GMDS: variants seen among roughly 807,000 people sequenced by gnomAD.
GMDS encodes the protein GDP-mannose 4,6 dehydratase.
Under a neutral mutation model 49.9 loss-of-function variants are expected in GMDS, and 20 were observed. The observed-to-expected ratio is 0.40, with a 90% CI of 0.28 to 0.58. The LOEUF (loss-of-function observed/expected upper bound fraction) is 0.58. Among genes scored for constraint, GMDS ranks in the 20% least tolerant of loss-of-function variants. The pLI is 0.42. For synonymous variants in GMDS, 177 were observed against 178.6 expected, an observed-to-expected ratio of 0.99 and a Z score of 0.07; for missense variants, 362 against 481.4, an observed-to-expected ratio of 0.75 and a Z score of 2.32.
intron 4 of GMDS, among the ~76,000 whole-genome samples, chr6:2,053,988 A>T (rs1376758500): frequency 6.6e-6 from 1 of 152,122 alleles, no homozygotes; most frequent in Non-Finnish European, 1.5e-5. Context: ...AAGCATTCTA[A>T]TTCCTATAAA....
At chr6:1,782,430 G>A (rs766957542) in intron 7 of GMDS, among the ~76,000 whole-genome samples, 3 of 152,198 alleles carry the variant, frequency 2.0e-5, no homozygotes, top group Non-Finnish European at 4.4e-5. Flanking sequence ...GAGGCCACAA[G>A]AAGCTTCAAA....
At position 1,666,930 on chromosome 6, in the gene GMDS, C is replaced by A. The variant is rs543012111; in HGVS notation, c.988-42390G>T. Among the ~76,000 whole-genome samples the A allele has an allele frequency of 9.6e-4, 147 of 152,358 alleles. No homozygotes were observed. In the South Asian group the frequency reaches 0.011, roughly 12 times the overall value. On this transcript the variant is annotated intron_variant, in intron 9 of 10. Coordinates refer to ENST00000380815, the MANE Select transcript of GMDS (RefSeq NM_001500.4). ...TCAACTCTCCCATTAATGGAGCACC[C>A]TCTGGGGGAAGGGCACTGTGTTTTC...
At chr6:2,232,462 C>G (rs1273853169) in intron 1 of GMDS, among the ~76,000 whole-genome samples, 1 of 152,204 alleles carries the variant, frequency 6.6e-6, no homozygotes, top group Non-Finnish European at 1.5e-5. Flanking sequence ...ATCAAAATCA[C>G]AACCTCACTG....
intron 7 of GMDS, among the ~76,000 whole-genome samples, chr6:1,882,027 T>C (rs930452013): frequency 6.6e-6 from 1 of 152,236 alleles, no homozygotes; most frequent in African/African-American, 2.4e-5. Flanking sequence ...TAAGTGATTA[T>C]TTTTAAATAC....
chr6:2,195,073 T>C (rs1779221271), intron 1 of GMDS, among the ~76,000 whole-genome samples: 1 of 152,236 alleles, frequency 6.6e-6, no homozygotes, highest in Non-Finnish European at 1.5e-5. Context: ...TATACACACA[T>C]GAAGTTAGCA....
chr6:1,889,474 C>T (rs985720866), intron 7 of GMDS, among the ~76,000 whole-genome samples: 1 of 152,186 alleles, frequency 6.6e-6, no homozygotes, highest in Admixed American at 6.5e-5. Context: ...CCACATTCTC[C>T]CTGGACAGTT....
intron 4 of GMDS, among the ~76,000 whole-genome samples, chr6:2,070,381 C>T (rs1474073866): frequency 6.6e-6 from 1 of 151,362 alleles, no homozygotes; most frequent in Non-Finnish European, 1.5e-5. Context: ...AACTAACCTG[C>T]ACATTGTGCA....
Position 1,833,218 on chromosome 6 carries a change from G to A in GMDS, c.772-90632C>T, listed in dbSNP as rs1035322019. Among the ~76,000 whole-genome samples the A allele has an allele frequency of 6.6e-6, 1 of 151,166 alleles. No homozygotes were observed. Among genetic ancestry groups the A allele is most frequent in the African/African-American group, 2.4e-5 (1 of 41,012 alleles). ...AGGCACATTAATCAGCAGGGGAATT[G>A]GCCAAATGTCGTCTCCCGCTGGGCT... On this transcript the variant is annotated intron_variant, in intron 7 of 10. Coordinates refer to ENST00000380815, the MANE Select transcript of GMDS (RefSeq NM_001500.4). This position sits in a 1 kb window ranked among gnomAD's most constrained non-coding sequence, Gnocchi z 4.4.
intron 4 of GMDS, among the ~76,000 whole-genome samples, chr6:2,107,358 G>A (rs1328778520): frequency 3.3e-5 from 5 of 152,124 alleles, no homozygotes; most frequent in African/African-American, 1.2e-4. Flanking sequence ...ATCTGAGCCA[G>A]ATGACACACA....
intron 7 of GMDS, among the ~76,000 whole-genome samples, chr6:1,757,506 T>C (rs1357506152): frequency 6.6e-6 from 1 of 152,212 alleles, no homozygotes; most frequent in Non-Finnish European, 1.5e-5. Context: ...TTCATCTCCA[T>C]GCTCTTGGCT....
At chr6:1,880,771 A>G (rs1281327456) in intron 7 of GMDS, among the ~76,000 whole-genome samples, 2 of 152,218 alleles carry the variant, frequency 1.3e-5, no homozygotes, top group South Asian at 4.1e-4. Flanking sequence ...AGAAACAAAG[A>G]TAACTTCAGC....
Position 1,671,587 on chromosome 6 carries a change from ATT to A in GMDS, c.988-47049_988-47048del, listed in dbSNP as rs1764426444. Among the ~76,000 whole-genome samples the A allele has an allele frequency of 5.3e-5, 8 of 152,126 alleles. No individual in the cohort carries two copies. In the South Asian group the frequency reaches 1.7e-3, roughly 32 times the overall value. ...CATTCTGAGAATTTGAGAGGAAAGC[ATT>A]TTGTCCATCCCTAAGTATGTATAAG... On this transcript the variant is annotated intron_variant, in intron 9 of 10. Coordinates refer to ENST00000380815, the MANE Select transcript of GMDS (RefSeq NM_001500.4).
At chr6:2,127,775 A>C (rs1375713056) in intron 1 of GMDS, among the ~76,000 whole-genome samples, 2 of 152,210 alleles carry the variant, frequency 1.3e-5, no homozygotes, top group African/African-American at 4.8e-5. Context: ...GTATCTGAGC[A>C]GGCAGACGTC....
intron 6 of GMDS, among the ~76,000 whole-genome samples, chr6:1,934,820 T>C (rs1439764930): frequency 6.6e-6 from 1 of 152,092 alleles, no homozygotes; most frequent in East Asian, 1.9e-4. Context: ...AGAAACTATA[T>C]AAAAGCATAG....
rs61342699 is a variant in GMDS at position 2,135,595 on chromosome 6, A to ACATCATCAT, written c.103-10873_103-10865dup. Among the ~76,000 whole-genome samples the ACATCATCAT allele has an allele frequency of 7.5e-3, 1,123 of 149,522 alleles. 18 individuals are homozygous for ACATCATCAT. The highest frequency in any genetic ancestry group is 0.024 in the African/African-American group (977 of 40,954). The stretch of plus-strand genomic sequence containing the variant: ...AGGACAAGGAAACAACACATCTACC[A>ACATCATCAT]CATCATCATCATCATCATCATCATC... On this transcript the variant is annotated intron_variant, in intron 1 of 10. Coordinates refer to ENST00000380815, the MANE Select transcript of GMDS (RefSeq NM_001500.4).
intron 4 of GMDS, among the ~76,000 whole-genome samples, chr6:2,044,175 A>C (rs1769854281): frequency 6.6e-6 from 1 of 152,228 alleles, no homozygotes; most frequent in Non-Finnish European, 1.5e-5. Flanking sequence ...AGAACTAAAA[A>C]CAGAACTAAC....
chr6:2,033,764 T>C lies in GMDS; in HGVS notation c.346-72798A>G, dbSNP rs376650774. 1.1e-3 allele frequency among the ~76,000 whole-genome samples: 164 copies of C among 152,224 alleles called. 2 individuals are homozygous for C. In the South Asian group the frequency reaches 0.032, roughly 30 times the overall value. ...AAGTTGCACAAAGAATCACTGGAGG[T>C]ACTTTCTAAAATGCAGATTCTTGGG... is the stretch of plus-strand genomic sequence containing the variant. On this transcript the variant is annotated intron_variant, in intron 4 of 10. Coordinates refer to ENST00000380815, the MANE Select transcript of GMDS (RefSeq NM_001500.4).
At chr6:1,928,887 T>G (rs1762151652) in intron 7 of GMDS, among the ~76,000 whole-genome samples, 1 of 152,136 alleles carries the variant, frequency 6.6e-6, no homozygotes, top group African/African-American at 2.4e-5. Context: ...GAGAATCGCT[T>G]GAACCTGGGA....
intron 7 of GMDS, among the ~76,000 whole-genome samples, chr6:1,838,366 T>C (rs1757016147): frequency 6.6e-6 from 1 of 152,220 alleles, no homozygotes; most frequent in Non-Finnish European, 1.5e-5. Flanking sequence ...TCTCAAACAC[T>C]AGCATTATTG....
Sources: allele counts gnomAD v4.1 joint callset (sites outside exome capture counted in the v4.1 genomes callset), GRCh38; gene constraint gnomAD v4.1.1; non-coding constraint Gnocchi (gnomAD v3.1); transcripts MANE v1.5; gene names NCBI Gene and HGNC (gene_info 2026-07-23, HGNC 2026-07-21).